HEATR1: variants seen among roughly 807,000 people sequenced by gnomAD.
The protein encoded by HEATR1 is HEAT repeat containing 1, also known as HEAT repeat-containing protein 1.
A neutral mutation model predicts 248.2 loss-of-function variants in HEATR1; 77 were observed. The ratio of observed to expected loss-of-function variants is 0.31; its 90% CI spans 0.26 to 0.37. HEATR1 has a LOEUF of 0.37. Among genes scored for constraint, HEATR1 ranks in the 10% least tolerant of loss-of-function variants. The pLI is 1.00. For synonymous variants in HEATR1, 897 were observed against 923.1 expected, an observed-to-expected ratio of 0.97 and a Z score of 0.51; for missense variants, 2,420 against 2,504.9, an observed-to-expected ratio of 0.97 and a Z score of 0.72.
At chr1:236,590,798 G>T in intron 12 of HEATR1, 49 bp downstream of exon 12, 1 of 922,696 alleles carries the variant, frequency 1.1e-6, no homozygotes, top group Non-Finnish European at 1.6e-6. Flanking sequence ...GAATTACACT[G>T]CTCATCATAA....
At chr1:236,596,799 T>C in intron 6 of HEATR1, 37 bp downstream of exon 6, 1 of 1,540,292 alleles carries the variant, frequency 6.5e-7, no homozygotes, top group Non-Finnish European at 8.7e-7. Flanking sequence ...TTCCTTTAAG[T>C]ACAAAATAAT....
chr1:236,568,868 A>G (rs1663341781), intron 29 of HEATR1, 128 bp downstream of exon 29: 1 of 473,856 alleles, frequency 2.1e-6, no homozygotes, highest in East Asian at 4.4e-5. Context: ...AGGCTTTTAT[A>G]CAACTGTTGA....
chr1:236,583,306 T>TG, intron 17 of HEATR1, 110 bp from the exon 18 acceptor site: 2 of 899,034 alleles, frequency 2.2e-6, no homozygotes, highest in Non-Finnish European at 3.4e-6. Flanking sequence ...TGCATTTTGG[T>TG]GGGGAAAGGA....
intron 13 of HEATR1, 24 bp from the exon 14 acceptor site, chr1:236,587,514 G>A (rs2103147544): frequency 8.1e-7 from 1 of 1,236,076 alleles, no homozygotes; most frequent in East Asian, 2.5e-5. Context: ...AATATCCAGA[G>A]TAGATTTGTA....
intron 4 of HEATR1, among the ~76,000 whole-genome samples, chr1:236,599,213 C>T (rs988795646): frequency 1.3e-5 from 2 of 152,140 alleles, no homozygotes; most frequent in Non-Finnish European, 2.9e-5. Context: ...GTTATGTGAA[C>T]TTTGGCAAGT....
intron 4 of HEATR1, among the ~76,000 whole-genome samples, chr1:236,599,183 C>T (rs777587022): frequency 6.6e-6 from 1 of 152,166 alleles, no homozygotes; most frequent in Non-Finnish European, 1.5e-5. Context: ...GGGTTCAAAT[C>T]TCAACTCTGC....
chr1:236,554,517 G>C, intron 42 of HEATR1, 81 bp downstream of exon 42: 1 of 1,215,370 alleles, frequency 8.2e-7, no homozygotes, highest in Non-Finnish European at 1.2e-6. Flanking sequence ...CTAGCAAGCT[G>C]TCATTTGAGC....
In HEATR1 at chr1:236,559,006, T is replaced by G; in HGVS notation, c.4900A>C (p.Lys1634Gln). ...GGGTCTTCACTCACTATTGTCTTCT[T>G]CCAGGATATATTTTGCTGCAGCTTG... ...NNKLQQNISWKKTIVTRFLKL... is the reference protein window; with the variant it reads ...NNKLQQNISWQKTIVTRFLKL... The change falls in exon 35 of 45, where the codon AAG (lysine) becomes CAG (glutamine). Residue 1634 changes from lysine to glutamine, a missense_variant. By Grantham distance (53) the Lys-to-Gln change is moderately conservative. Coordinates refer to ENST00000366582, the MANE Select transcript of HEATR1 (RefSeq NM_018072.6). The G allele has an allele frequency of 6.2e-7, 1 of 1,607,828 alleles. No homozygotes were observed. Among genetic ancestry groups the G allele is most frequent in the Non-Finnish European group, 8.5e-7 (1 of 1,178,152 alleles).
Position 236,600,310 on chromosome 1 carries a change from T to C in HEATR1, c.360-686A>G, listed in dbSNP as rs186032953. 3.8e-3 allele frequency among the ~76,000 whole-genome samples: 576 copies of C among 150,226 alleles called. 2 individuals are homozygous for C. The highest frequency in any genetic ancestry group is 6.2e-3 in the Non-Finnish European group (419 of 67,518). ...CCCAGCTAATTTTTTTTTTTTACTT[T>C]AGTAGAGATGGGGTTTCACCATGTT... is the stretch of plus-strand genomic sequence containing the variant. On this transcript the variant is annotated intron_variant, in intron 3 of 44. Coordinates refer to ENST00000366582, the MANE Select transcript of HEATR1 (RefSeq NM_018072.6).
intron 22 of HEATR1, among the ~76,000 whole-genome samples, chr1:236,575,322 A>G (rs912011664): frequency 6.6e-6 from 1 of 152,226 alleles, no homozygotes; most frequent in African/African-American, 2.4e-5. Context: ...ACTAGGGGCC[A>G]GCAAATTATG....
Position 236,555,580 on chromosome 1 carries a change from C to G in HEATR1, c.5725G>C (p.Glu1909Gln). ...CLVAMVVKLS[E>Q]VTFRPLFFKL... is the part of the protein sequence containing the mutation. ...AAGAACAGGGGCCTGAATGTGACCT[C>G]GGAAAGTTTGACAACCATGGCTACT... Residue 1909 changes from glutamate (E) to glutamine (Q), a missense_variant, in exon 40 of 45, where the codon GAG becomes CAG. By Grantham distance (29) the Glu-to-Gln change is conservative. Transcript: ENST00000366582. The G allele has an allele frequency of 1.2e-6, 2 of 1,614,172 alleles. No individual in the cohort carries two copies. The highest frequency in any genetic ancestry group is 8.5e-7 in the Non-Finnish European group (1 of 1,180,034).
At chr1:236,561,336 A>G (rs936965587) in intron 32 of HEATR1, 65 bp from the exon 33 acceptor site, 2 of 1,288,830 alleles carry the variant, frequency 1.6e-6, no homozygotes, top group Non-Finnish European at 2.2e-6. Context: ...ATTTCAAGTC[A>G]GTTCAATGAA....
At chr1:236,570,289 AAAACAAACAAAC>A (rs1051505835) in intron 28 of HEATR1, among the ~76,000 whole-genome samples, 1 of 152,210 alleles carries the variant, frequency 6.6e-6, no homozygotes, top group African/African-American at 2.4e-5. Context: ...ACTCCGTCTC[AAAACAAACAAAC>A]AAACAAACAA....
chr1:236,554,859 A>C (rs1015682618), intron 41 of HEATR1, 107 bp from the exon 42 acceptor site: 5 of 979,196 alleles, frequency 5.1e-6, no homozygotes, highest in Non-Finnish European at 7.6e-6. Context: ...GAAGAGTCTA[A>C]AATGATCTAG....
intron 4 of HEATR1, among the ~76,000 whole-genome samples, chr1:236,598,848 T>C (rs1287560104): frequency 1.3e-5 from 2 of 152,166 alleles, no homozygotes; most frequent in Non-Finnish European, 2.9e-5. Context: ...GCTAACAACA[T>C]ACATCTACTT....
chr1:236,559,246 CCA>C, intron 34 of HEATR1, 111 bp from the exon 35 acceptor site: 1 of 706,056 alleles, frequency 1.4e-6, no homozygotes, highest in Non-Finnish European at 2.1e-6. Context: ...CCAGGCACTT[CCA>C]CACACATTTT....
chr1:236,591,913 G>T, intron 11 of HEATR1, 80 bp downstream of exon 11: 1 of 795,412 alleles, frequency 1.3e-6, no homozygotes. Context: ...GAAAAAAGTG[G>T]CAAATTTCCT....
chr1:236,570,559 C>T (rs1663400445), intron 28 of HEATR1, among the ~76,000 whole-genome samples: 1 of 151,996 alleles, frequency 6.6e-6, no homozygotes, highest in African/African-American at 2.4e-5. Context: ...TGAAAATACT[C>T]TTCAAGTAGA....
chr1:236,599,272 T>C (rs1664253965), intron 4 of HEATR1, among the ~76,000 whole-genome samples: 1 of 152,216 alleles, frequency 6.6e-6, no homozygotes, highest in Non-Finnish European at 1.5e-5. Flanking sequence ...TCCAAGATAA[T>C]ATAATGTACA....
Sources: allele counts gnomAD v4.1 joint callset (sites outside exome capture counted in the v4.1 genomes callset), GRCh38; gene constraint gnomAD v4.1.1; transcripts MANE v1.5; gene names NCBI Gene and HGNC (gene_info 2026-07-23, HGNC 2026-07-21).